FRMPD2: variants seen among roughly 807,000 people sequenced by gnomAD.
FRMPD2 encodes FERM and PDZ domain-containing protein 2.
Under a neutral mutation model 140.1 loss-of-function variants are expected in FRMPD2, and 96 were observed. The observed-to-expected ratio is 0.69, with a 90% CI of 0.58 to 0.81. The LOEUF is 0.81. Ranked by LOEUF, FRMPD2 falls within the 40% of genes least tolerant of loss-of-function variation. FRMPD2 has a pLI of 0.00. For synonymous variants in FRMPD2, 449 were observed against 547.6 expected, an observed-to-expected ratio of 0.82 and a Z score of 2.52; for missense variants, 1,240 against 1,447.4, an observed-to-expected ratio of 0.86 and a Z score of 2.32.
At chr10:48,198,841 T>C (rs1034395691) in intron 15 of FRMPD2, among the ~76,000 whole-genome samples, 1 of 152,240 alleles carries the variant, frequency 6.6e-6, no homozygotes, top group South Asian at 2.1e-4. Flanking sequence ...TTTGTGGCTA[T>C]TGTTTAAGTG....
Position 48,232,254 on chromosome 10 carries a change from G to C in FRMPD2, c.1029C>G (p.Asp343Glu), listed in dbSNP as rs764559623. The change falls in exon 10 of 29, where the codon GAC (aspartate) becomes GAG (glutamate). Residue 343 changes from aspartate to glutamate, a missense_variant. Transcript: ENST00000374201. ...KKGKSYLALR[D>E]LCVVLLNGQH... Reference sequence around the variant, plus strand: ...GCCCGTTCAGCAGGACCACACAGAGGTCCCTGAGAGCCAAATAGGATTTCC... The same window carrying C: ...GCCCGTTCAGCAGGACCACACAGAGCTCCCTGAGAGCCAAATAGGATTTCC... 6.2e-7 allele frequency: 1 copy of C among 1,613,232 alleles called. No individual in the cohort carries two copies. The highest frequency in any genetic ancestry group is 1.3e-5 in the African/African-American group (1 of 74,886).
At chr10:48,232,051 G>T in intron 10 of FRMPD2, 64 bp downstream of exon 10, 2 of 1,464,646 alleles carry the variant, frequency 1.4e-6, no homozygotes, top group Non-Finnish European at 1.9e-6. Flanking sequence ...CAGAGCTCAG[G>T]TACCCAGATA....
chr10:48,236,300 T>C (rs1390609224), intron 9 of FRMPD2, among the ~76,000 whole-genome samples, 182 bp downstream of exon 9: 1 of 152,080 alleles, frequency 6.6e-6, no homozygotes, highest in Non-Finnish European at 1.5e-5. Flanking sequence ...GGGGCCCCTT[T>C]AACAGGCTGA....
chr10:48,251,890 G>A (rs1403873560), intron 1 of FRMPD2, 199 bp from the exon 2 acceptor site: 2 of 561,772 alleles, frequency 3.6e-6, no homozygotes, highest in Non-Finnish European at 6.2e-6. Context: ...TTGGAGGACT[G>A]ACCAGGTTGG....
rs759609357 is a variant in FRMPD2 at position 48,184,761 on chromosome 10, TA to T, written c.2467+12del. On this transcript the variant is annotated intron_variant, in intron 19 of 28. Coordinates refer to ENST00000374201, the MANE Select transcript of FRMPD2 (RefSeq NM_001018071.4). ...TCTTAAAACAGCATCTCTAGTAATT[TA>T]AAAAGATGTACCTGGTTTGATCGTT... 37 of 1,604,366 alleles carry T rather than the reference TA, an allele frequency of 2.3e-5. No individual in the cohort carries two copies. Among genetic ancestry groups the T allele is most frequent in the Non-Finnish European group, 3.2e-5 (37 of 1,172,950 alleles).
At chr10:48,241,345 C>T (rs1840100241) in intron 5 of FRMPD2, among the ~76,000 whole-genome samples, 1 of 152,192 alleles carries the variant, frequency 6.6e-6, no homozygotes, top group South Asian at 2.1e-4. Flanking sequence ...GCTTACCTGT[C>T]TCTGGTTCCT....
At chr10:48,225,402 CAGCCGCACAAGGACAGCT>C (rs1251856351) in intron 10 of FRMPD2, among the ~76,000 whole-genome samples, 1 of 152,180 alleles carries the variant, frequency 6.6e-6, no homozygotes, top group Admixed American at 6.5e-5. Flanking sequence ...CAAGGACAGC[CAGCCGCACAAGGACAGCT>C]AGCCACTCAC....
At chr10:48,244,970 A>T in intron 3 of FRMPD2, 121 bp from the exon 4 acceptor site, 1 of 748,998 alleles carries the variant, frequency 1.3e-6, no homozygotes, top group South Asian at 1.6e-5. Flanking sequence ...GTCTAGCACC[A>T]TCTGCAACTC....
intron 12 of FRMPD2, among the ~76,000 whole-genome samples, chr10:48,221,804 T>C (rs1839591368): frequency 6.6e-6 from 1 of 152,080 alleles, no homozygotes; most frequent in South Asian, 2.1e-4. Flanking sequence ...AGTGAATGCT[T>C]TCTGGATGAA....
chr10:48,223,862 G>A (rs58787956), intron 10 of FRMPD2, among the ~76,000 whole-genome samples: 17,751 of 152,142 alleles, frequency 0.12, 3,297 homozygotes, highest in African/African-American at 0.39. Flanking sequence ...TCCTCTCTCA[G>A]CCATGTGAGG....
chr10:48,200,590 G>A (rs1162826747), intron 15 of FRMPD2, among the ~76,000 whole-genome samples: 1 of 152,116 alleles, frequency 6.6e-6, no homozygotes, highest in African/African-American at 2.4e-5. Context: ...AAGAACTTTT[G>A]TTCATGATAG....
chr10:48,204,161 T>C (rs900334053), intron 14 of FRMPD2, among the ~76,000 whole-genome samples: 3 of 152,170 alleles, frequency 2.0e-5, no homozygotes, highest in Non-Finnish European at 2.9e-5. Flanking sequence ...CAGTAGCTGA[T>C]CTACAGGAAG....
intron 9 of FRMPD2, among the ~76,000 whole-genome samples, chr10:48,232,768 T>TGAA (rs1839881637): frequency 6.6e-6 from 1 of 152,292 alleles, no homozygotes; most frequent in Non-Finnish European, 1.5e-5. Flanking sequence ...GCAGATCCAA[T>TGAA]GAAGAGACAG....
intron 10 of FRMPD2, among the ~76,000 whole-genome samples, chr10:48,224,542 G>A (rs1839680590): frequency 6.6e-6 from 1 of 152,204 alleles, no homozygotes; most frequent in Admixed American, 6.5e-5. Context: ...TGCCCTTACT[G>A]CTGAATCTGA....
At chr10:48,273,063 T>G (rs560103125) in intron 1 of FRMPD2, among the ~76,000 whole-genome samples, 5 of 152,328 alleles carry the variant, frequency 3.3e-5, no homozygotes, top group Non-Finnish European at 4.4e-5. Context: ...TTATTACTTG[T>G]AAATTGTGCA....
chr10:48,203,988 C>A (rs753148622), intron 14 of FRMPD2, among the ~76,000 whole-genome samples: 8 of 152,124 alleles, frequency 5.3e-5, no homozygotes, highest in Non-Finnish European at 1.0e-4. Flanking sequence ...GATTTGAAGG[C>A]TTTTCTAGAA....
Position 48,242,258 on chromosome 10 carries a change from G to A in FRMPD2, c.470C>T (p.Ala157Val). Reference protein sequence around the residue: ...RRCTLQSVLEACRVHEKEVSV... With the variant: ...RRCTLQSVLEVCRVHEKEVSV... ...CACTTCTTTCTCATGAACCCGACAA[G>A]CTTCCAGAACCGACTGCAACGTGCA... Residue 157 changes from alanine (A) to valine (V), a missense_variant, in exon 5 of 29, where the codon GCT becomes GTT. This residue lies in a region of FRMPD2 where 1,161 missense variants were observed against 1,055.9 expected (regional missense o/e 1.10). Transcript: ENST00000374201. 1 of 1,614,158 alleles carries A rather than the reference G, an allele frequency of 6.2e-7. No individual in the cohort carries two copies. Among genetic ancestry groups the A allele is most frequent in the Non-Finnish European group, 8.5e-7 (1 of 1,180,008 alleles).
intron 21 of FRMPD2, among the ~76,000 whole-genome samples, chr10:48,179,886 G>A (rs1490620640): frequency 6.6e-6 from 1 of 152,214 alleles, no homozygotes; most frequent in Non-Finnish European, 1.5e-5. Flanking sequence ...TAGGTCGTGG[G>A]AGACCTGTTT....
chr10:48,202,237 C>T (rs1839103365), intron 14 of FRMPD2, among the ~76,000 whole-genome samples: 1 of 152,082 alleles, frequency 6.6e-6, no homozygotes, highest in Admixed American at 6.5e-5. Flanking sequence ...CTATCTATTT[C>T]AATAAGAACC....
Sources: allele counts gnomAD v4.1 joint callset (sites outside exome capture counted in the v4.1 genomes callset), GRCh38; gene constraint gnomAD v4.1.1; regional missense constraint gnomAD v4.1.1; transcripts MANE v1.5; gene names NCBI Gene and HGNC (gene_info 2026-07-23, HGNC 2026-07-21).